GRXCR2: variants seen among roughly 807,000 people sequenced by gnomAD.
The protein encoded by GRXCR2 is glutaredoxin domain-containing cysteine-rich protein 2.
In GRXCR2, 23 loss-of-function variants were observed where a neutral mutation model predicts 24.8. The ratio of observed to expected loss-of-function variants is 0.93; its 90% CI spans 0.67 to 1.32. The LOEUF is 1.32. Ranked by LOEUF, GRXCR2 falls within the 40% of genes most tolerant of loss-of-function variation. The probability of loss-of-function intolerance (pLI) is 0.00; values close to 1 mark genes in which losing one functional copy is unlikely to be tolerated. For missense variants in GRXCR2, 315 were observed against 303.4 expected, an observed-to-expected ratio of 1.04 and a Z score of -0.28; for synonymous variants, 130 against 116.1, an observed-to-expected ratio of 1.12 and a Z score of -0.77.
chr5:145,886,406 A>G (rs1756781066), intron 2 of GRXCR2, among the ~76,000 whole-genome samples: 1 of 152,346 alleles, frequency 6.6e-6, no homozygotes, highest in Non-Finnish European at 1.5e-5. Context: ...GAAGGTTACC[A>G]GAGGACCCAG....
At chr5:145,915,785 G>A (rs1389987937) in intron 2 of GRXCR2, among the ~76,000 whole-genome samples, 2 of 151,858 alleles carry the variant, frequency 1.3e-5, no homozygotes, top group Middle Eastern at 3.4e-3. Flanking sequence ...CACATTAGAA[G>A]GCTGTGTGTC....
chr5:145,892,339 T>G (rs1756878886), intron 2 of GRXCR2, among the ~76,000 whole-genome samples: 1 of 152,008 alleles, frequency 6.6e-6, no homozygotes, highest in African/African-American at 2.4e-5. Flanking sequence ...TACTCTGAGC[T>G]AAAGAAGGAA....
At chr5:145,883,869 C>A (rs1756740140) in intron 2 of GRXCR2, among the ~76,000 whole-genome samples, 1 of 152,194 alleles carries the variant, frequency 6.6e-6, no homozygotes, top group Non-Finnish European at 1.5e-5. Flanking sequence ...GCCTGGGCGA[C>A]AGAGTGAGAC....
At chr5:145,928,137 C>A (rs369463994) in intron 2 of GRXCR2, among the ~76,000 whole-genome samples, 73 of 151,722 alleles carry the variant, frequency 4.8e-4, no homozygotes, top group Middle Eastern at 6.8e-3. Context: ...ATGCAGCCAA[C>A]AGACACATGA....
At chr5:145,863,570 A>G (rs761348603) in intron 2 of GRXCR2, among the ~76,000 whole-genome samples, 23 of 152,330 alleles carry the variant, frequency 1.5e-4, no homozygotes, top group Non-Finnish European at 2.9e-4. Context: ...ACAATATAGT[A>G]TGATAGATAA....
chr5:145,908,197 C>T (rs767462491), intron 2 of GRXCR2, among the ~76,000 whole-genome samples: 2 of 152,110 alleles, frequency 1.3e-5, no homozygotes, highest in East Asian at 1.9e-4. Flanking sequence ...TTCTAAATTC[C>T]GACAATCCTA....
chr5:145,892,959 G>A (rs1028164854), intron 2 of GRXCR2, among the ~76,000 whole-genome samples: 22 of 152,226 alleles, frequency 1.4e-4, no homozygotes, highest in African/African-American at 4.6e-4. Context: ...CAAGCCAGAA[G>A]AGAGTGGGGG....
chr5:145,892,063 G>T (rs996272500), intron 2 of GRXCR2, among the ~76,000 whole-genome samples: 1 of 152,124 alleles, frequency 6.6e-6, no homozygotes, highest in African/African-American at 2.4e-5. Context: ...CAGACCTGCA[G>T]CTGAGGGTCC....
chr5:145,864,474 C>T (rs1223221096), intron 2 of GRXCR2, among the ~76,000 whole-genome samples: 1 of 152,096 alleles, frequency 6.6e-6, no homozygotes, highest in East Asian at 1.9e-4. Flanking sequence ...CTACCCAAAT[C>T]TCATCTTGAA....
At chr5:145,889,243 A>AGAAAGAAAGAAAGAAAGAAAGAAT (rs1408862997) in intron 2 of GRXCR2, among the ~76,000 whole-genome samples, 1 of 147,584 alleles carries the variant, frequency 6.8e-6, no homozygotes, top group Non-Finnish European at 1.5e-5. Flanking sequence ...AAAGAAAGAA[A>AGAAAGAAAGAAAGAAAGAAAGAAT]GAATTATGCA....
chr5:145,871,880 T>C (rs970170542), intron 1 of GRXCR2, among the ~76,000 whole-genome samples: 1 of 152,204 alleles, frequency 6.6e-6, no homozygotes, highest in East Asian at 1.9e-4. Flanking sequence ...TCATTCATGG[T>C]CCCACTGACA....
At chr5:145,864,160 T>G (rs1756388621) in intron 2 of GRXCR2, among the ~76,000 whole-genome samples, 1 of 152,062 alleles carries the variant, frequency 6.6e-6, no homozygotes, top group Non-Finnish European at 1.5e-5. Flanking sequence ...AAGTGATGCC[T>G]CCTCTGAGAT....
upstream of GRXCR2, among the ~76,000 whole-genome samples, chr5:145,875,441 C>G (rs771661767): frequency 6.6e-6 from 1 of 151,922 alleles, no homozygotes; most frequent in Non-Finnish European, 1.5e-5. Flanking sequence ...CCCAGCTACT[C>G]GGGAGGCTAG....
At chr5:145,888,455 C>T (rs1037284033) in intron 2 of GRXCR2, among the ~76,000 whole-genome samples, 9 of 152,036 alleles carry the variant, frequency 5.9e-5, no homozygotes, top group African/African-American at 1.2e-4. Context: ...CAGAGACCCC[C>T]GATCCATTTC....
intron 2 of GRXCR2, among the ~76,000 whole-genome samples, chr5:145,891,720 A>T (rs1756867119): frequency 6.6e-6 from 1 of 152,200 alleles, no homozygotes; most frequent in Admixed American, 6.5e-5. Flanking sequence ...GGGCATAGCC[A>T]AACAAAAGGC....
chr5:145,878,593 G>A (rs1756653930), intron 2 of GRXCR2, among the ~76,000 whole-genome samples: 1 of 152,008 alleles, frequency 6.6e-6, no homozygotes, highest in African/African-American at 2.4e-5. Flanking sequence ...AAATTGATGG[G>A]GAGAATAGAA....
chr5:145,893,636 G>C (rs1034089564), intron 2 of GRXCR2, among the ~76,000 whole-genome samples: 1 of 152,106 alleles, frequency 6.6e-6, no homozygotes, highest in Non-Finnish European at 1.5e-5. Flanking sequence ...CATAAAGCAA[G>C]TCCTGAGTGA....
At chr5:145,929,199 C>CATATATATATATATATATATATATATA (rs373040257) in intron 2 of GRXCR2, among the ~76,000 whole-genome samples, 2 of 116,484 alleles carry the variant, frequency 1.7e-5, no homozygotes, top group Non-Finnish European at 3.5e-5. Context: ...ATATTCCCCC[C>CATATATATATATATATATATATATATA]TATATATATA....
intron 2 of GRXCR2, among the ~76,000 whole-genome samples, chr5:145,914,771 C>T (rs1408548657): frequency 8.9e-6 from 1 of 112,922 alleles, no homozygotes; most frequent in Admixed American, 9.8e-5. Context: ...TTCTCACCAG[C>T]AGCAGAGTGG....
Sources: gnomAD v4.1 joint callset for allele counts (sites outside exome capture counted in the v4.1 genomes callset) on GRCh38, gnomAD v4.1.1 for gene constraint, MANE v1.5 for transcripts, NCBI Gene and HGNC (gene_info 2026-07-23, HGNC 2026-07-21) for gene names.